Variants in SRM observed in about 807,000 individuals in gnomAD.
SRM encodes the protein putrescine aminopropyltransferase.
Under a neutral mutation model 39.3 loss-of-function variants are expected in SRM, and 14 were observed. That is an observed-to-expected ratio of 0.36 (90% confidence interval 0.24 to 0.56). SRM has a LOEUF of 0.56. SRM is among the 20% of genes least tolerant of loss of function. The probability of loss-of-function intolerance (pLI) is 0.86; values close to 1 mark genes in which losing one functional copy is unlikely to be tolerated. For synonymous variants in SRM, 195 were observed against 173.1 expected (o/e 1.13, Z -0.99); for missense variants, 244 against 409.2 (o/e 0.60, Z 3.48).
In SRM at chr1:11,055,447, C is replaced by T. The variant is rs1322258299; in HGVS notation, c.765+334G>A. Among the ~76,000 whole-genome samples the T allele has an allele frequency of 4.0e-5, 6 of 149,728 alleles. No individual in the cohort carries two copies. The East Asian group carries it at 1.2e-3, about 29-fold the overall frequency. On this transcript the variant is annotated intron_variant, in intron 6 of 7. Transcript: ENST00000376957. ...TTTTTTTTTTTGAGTCGGAATCTTC[C>T]TCTGTTACCCAGGCTGGAATGTAGT...
Position 11,057,321 on chromosome 1 carries a change from CTATTT to C in SRM, c.382-569_382-565del, listed in dbSNP as rs1638896817. The stretch of plus-strand genomic sequence containing the variant: ...ATCTGAGTGGCTTTCTTGTCGCTTC[CTATTT>C]TATTTATTTTTCGAGACAGTCTTGC... On this transcript the variant is annotated intron_variant, in intron 3 of 7. Transcript: ENST00000376957. Among the ~76,000 whole-genome samples the C allele has an allele frequency of 1.0e-4, 15 of 143,570 alleles. No individual in the cohort carries two copies. In the South Asian group the frequency reaches 3.3e-3, roughly 32 times the overall value. The allele number at this position is 143,570 out of a possible 152,430, so 94.2% of individuals were successfully genotyped here.
rs373095782 is a variant in SRM, at chr1:11,056,090, G to A, written c.540C>T (p.Pro180=). The A allele has an allele frequency of 1.6e-5, 25 of 1,608,988 alleles. No individual in the cohort carries two copies. The highest frequency in any genetic ancestry group is 1.7e-4 in the Middle Eastern group (1 of 6,040). ...IITDSSDPMG[P]AESLFKESYY... The stretch of plus-strand genomic sequence containing the variant: ...AGGACTCCTTGAAGAGACTTTCGGC[G>A]GGGCCTGGGGAAGACAGAGGGAGAC... The change falls in exon 5 of 8, where the codon CCC becomes CCT. Residue 180 remains proline, a synonymous_variant. Coordinates refer to ENST00000376957, the MANE Select transcript of SRM (RefSeq NM_003132.3).
rs766525544 is a variant in SRM, at chr1:11,054,967, G to T, written c.883C>A (p.Arg295Ser). ...CAGCCCCGCAGGCCACCCACCTTGC[G>T]GGCAAACTCGGGCAGCACAAAGGCG... is the stretch of plus-strand genomic sequence containing the variant. ...RAAFVLPEFARKALNDVS is the reference protein window; with the variant it reads ...RAAFVLPEFASKALNDVS Residue 295 changes from arginine (R) to serine (S), a missense_variant, in exon 7 of 8, where the codon CGC becomes AGC. Transcript: ENST00000376957. This position sits in a 1 kb window ranked among gnomAD's most constrained non-coding sequence, Gnocchi z 4.8. 1 of 1,612,250 alleles carries T rather than the reference G, an allele frequency of 6.2e-7. No individual in the cohort carries two copies. The highest frequency in any genetic ancestry group is 8.5e-7 in the Non-Finnish European group (1 of 1,179,850).
At chr1:11,058,326 C>T (rs1638915666) in intron 3 of SRM, among the ~76,000 whole-genome samples, 1 of 151,990 alleles carries the variant, frequency 6.6e-6, no homozygotes, top group Non-Finnish European at 1.5e-5. Flanking sequence ...TTTGGGAGGA[C>T]GAGGCTGGCG....
chr1:11,055,466 A>G (rs187831877), intron 6 of SRM, among the ~76,000 whole-genome samples: 2,797 of 149,438 alleles, frequency 0.019, 68 homozygotes, highest in African/African-American at 0.065. Flanking sequence ...CCAGGCTGGA[A>G]TGTAGTGGCG....
At chr1:11,058,751 G>A in intron 3 of SRM, 49 bp downstream of exon 3, 1 of 1,513,068 alleles carries the variant, frequency 6.6e-7, no homozygotes, top group South Asian at 1.3e-5. Flanking sequence ...GGGCACAGCT[G>A]GCCGCTGGGA....
rs1044602167 is a variant in SRM, at chr1:11,059,764, G to T, written c.167+13C>A. 2.5e-6 allele frequency: 4 copies of T among 1,576,298 alleles called. No homozygotes were observed. Among genetic ancestry groups the T allele is most frequent in the Non-Finnish European group, 3.4e-6 (4 of 1,170,924 alleles). Reference sequence around the variant, plus strand: ...GAGCCTAGGGGGCAGGCGCCTGCGGGCAGCGGCGGTACCTGCGGAAGACGA... The same window carrying T: ...GAGCCTAGGGGGCAGGCGCCTGCGGTCAGCGGCGGTACCTGCGGAAGACGA... On this transcript the variant is annotated intron_variant, in intron 1 of 7. Coordinates refer to ENST00000376957, the MANE Select transcript of SRM (RefSeq NM_003132.3).
At chr1:11,057,543 G>A (rs1638902260) in intron 3 of SRM, among the ~76,000 whole-genome samples, 1 of 149,194 alleles carries the variant, frequency 6.7e-6, no homozygotes, top group African/African-American at 2.5e-5. Flanking sequence ...TTACAGGTGT[G>A]AGCCACCAGC....
intron 2 of SRM, among the ~76,000 whole-genome samples, 157 bp downstream of exon 2, chr1:11,059,068 C>T (rs568619137): frequency 3.0e-4 from 46 of 152,330 alleles, no homozygotes; most frequent in Middle Eastern, 3.4e-3. Flanking sequence ...CCCTAGGATT[C>T]CGAGGCCGCG....
chr1:11,058,561 CAAAAAAAAAAAA>C (rs55958066), intron 3 of SRM: 3 of 183,408 alleles, frequency 1.6e-5, no homozygotes, highest in South Asian at 2.8e-4. Context: ...AACTCTGTCT[CAAAAAAAAAAAA>C]AAAAAAAAAA....
chr1:11,056,547 A>T (rs1456627544), intron 4 of SRM, 57 bp downstream of exon 4: 7 of 1,602,900 alleles, frequency 4.4e-6, no homozygotes, highest in Middle Eastern at 2.0e-4. Context: ...GGCCTGGGGG[A>T]GGCTGACCTC....
chr1:11,059,192 C>G, intron 2 of SRM, 33 bp downstream of exon 2: 1 of 1,612,692 alleles, frequency 6.2e-7, no homozygotes, highest in Non-Finnish European at 8.5e-7. Flanking sequence ...GGCCGCCCCT[C>G]GTCCGGCACT....
intron 2 of SRM, 105 bp downstream of exon 2, chr1:11,059,120 C>A (rs743576): frequency 6.4e-7 from 1 of 1,574,126 alleles, no homozygotes; most frequent in East Asian, 2.2e-5. Context: ...CCCCTGGCCT[C>A]GCTAGCACTT....
intron 3 of SRM, 125 bp from the exon 4 acceptor site, chr1:11,056,882 T>A (rs935954667): frequency 8.4e-6 from 8 of 956,428 alleles, no homozygotes; most frequent in Middle Eastern, 2.7e-4. Context: ...CCCTTTTTTT[T>A]ATTATTTTTT....
intron 3 of SRM, among the ~76,000 whole-genome samples, chr1:11,058,142 C>T (rs1371267028): frequency 6.6e-6 from 1 of 152,174 alleles, no homozygotes; most frequent in Non-Finnish European, 1.5e-5. Context: ...TGTCGTCTAC[C>T]ACTGTCCCCA....
At chr1:11,058,674 G>A (rs779881784) in intron 3 of SRM, 126 bp downstream of exon 3, 11 of 792,468 alleles carry the variant, frequency 1.4e-5, no homozygotes, top group Non-Finnish European at 2.1e-5. Flanking sequence ...AACCCTCCCC[G>A]ACCAGGTGTT....
rs780367621 is a variant in SRM, at chr1:11,056,089, C to T, written c.541G>A (p.Ala181Thr). Reference protein sequence around the residue: ...ITDSSDPMGPAESLFKESYYQ... With the variant: ...ITDSSDPMGPTESLFKESYYQ... ...TAGGACTCCTTGAAGAGACTTTCGG[C>T]GGGGCCTGGGGAAGACAGAGGGAGA... is the stretch of plus-strand genomic sequence containing the variant. The change falls in exon 5 of 8, where the codon GCC (alanine) becomes ACC (threonine). Residue 181 changes from alanine (A) to threonine (T), a missense_variant. By Grantham distance (58) the Ala-to-Thr change is moderately conservative. Transcript: ENST00000376957. The T allele has an allele frequency of 1.9e-6, 3 of 1,610,266 alleles. No homozygotes were observed. The highest frequency in any genetic ancestry group is 2.2e-5 in the East Asian group (1 of 44,848).
chr1:11,054,774 C>G lies in SRM; in HGVS notation c.*91G>C. Reference sequence around the variant, plus strand: ...CACTTGGTTGGTGGGCGAGAGCCAGCAGGAGGTCCGGCCCGGGGCTGGAGG... The same window carrying G: ...CACTTGGTTGGTGGGCGAGAGCCAGGAGGAGGTCCGGCCCGGGGCTGGAGG... On this transcript the variant is annotated 3_prime_UTR_variant, in exon 8 of 8. Transcript: ENST00000376957. This position sits in a 1 kb window ranked among gnomAD's most constrained non-coding sequence, Gnocchi z 4.8. 6.7e-7 allele frequency: 1 copy of G among 1,496,560 alleles called. No homozygotes were observed. Among genetic ancestry groups the G allele is most frequent in the Non-Finnish European group, 8.9e-7 (1 of 1,120,680 alleles). The allele number at this position is 1,496,560 out of a possible 1,614,324, so 92.7% of individuals were successfully genotyped here. A position where few individuals can be genotyped will look rare whatever the true frequency, so the allele number is the denominator to read the frequency against.
chr1:11,057,505 C>T (rs555356806), intron 3 of SRM, among the ~76,000 whole-genome samples: 1 of 149,082 alleles, frequency 6.7e-6, no homozygotes, highest in South Asian at 2.1e-4. Flanking sequence ...TTGTGATCTG[C>T]CCGCCTCAGC....
Sources: gnomAD v4.1 joint callset for allele counts (sites outside exome capture counted in the v4.1 genomes callset) on GRCh38, gnomAD v4.1.1 for gene constraint, Gnocchi (gnomAD v3.1) non-coding constraint, MANE v1.5 for transcripts, NCBI Gene and HGNC (gene_info 2026-07-23, HGNC 2026-07-21) for gene names.